SH2D4B: variants seen among roughly 807,000 people sequenced by gnomAD.
The protein encoded by SH2D4B is SH2 domain containing 4B, also known as SH2 domain-containing protein 4B.
SH2D4B carries 45 observed loss-of-function variants against 61.5 expected under a neutral mutation model. That is an observed-to-expected ratio of 0.73 (90% CI 0.58 to 0.94). The LOEUF is 0.94. Among genes scored for constraint, SH2D4B ranks in the 40% least tolerant of loss-of-function variants. SH2D4B has a pLI of 0.00. For missense variants in SH2D4B, 572 were observed against 574.2 expected, an observed-to-expected ratio of 1.00 and a Z score of 0.04; for synonymous variants, 224 against 220.4, an observed-to-expected ratio of 1.02 and a Z score of -0.14.
intron 1 of SH2D4B, among the ~76,000 whole-genome samples, chr10:80,565,708 G>A (rs982399888): frequency 6.6e-6 from 1 of 152,168 alleles, no homozygotes; most frequent in Non-Finnish European, 1.5e-5. Flanking sequence ...TCCTTAGCAT[G>A]TGGCTTTTAT....
chr10:80,613,602 C>G (rs1177990776), intron 6 of SH2D4B, among the ~76,000 whole-genome samples: 2 of 152,208 alleles, frequency 1.3e-5, no homozygotes, highest in Non-Finnish European at 2.9e-5. Flanking sequence ...CAAGCGTGGC[C>G]TCACCTGGGC....
intron 6 of SH2D4B, among the ~76,000 whole-genome samples, chr10:80,619,683 A>G (rs1842696924): frequency 6.6e-6 from 1 of 152,264 alleles, no homozygotes; most frequent in Non-Finnish European, 1.5e-5. Context: ...AATATGGCCA[A>G]TAACTATGGG....
chr10:80,606,950 A>G (rs944011512), intron 5 of SH2D4B, among the ~76,000 whole-genome samples: 1 of 152,246 alleles, frequency 6.6e-6, no homozygotes, highest in African/African-American at 2.4e-5. Flanking sequence ...ATTCACTGGA[A>G]TGTTTTCTGA....
At chr10:80,556,865 C>A (rs1841844481) in intron 1 of SH2D4B, among the ~76,000 whole-genome samples, 1 of 152,090 alleles carries the variant, frequency 6.6e-6, no homozygotes, top group African/African-American at 2.4e-5. Context: ...ATTAAGTTTT[C>A]TCTTCAATAT....
At chr10:80,616,166 T>C (rs141607105) in intron 6 of SH2D4B, among the ~76,000 whole-genome samples, 6 of 152,298 alleles carry the variant, frequency 3.9e-5, no homozygotes, top group African/African-American at 1.4e-4. Context: ...TCTTGAAATA[T>C]TTTTTAAAAG....
At chr10:80,605,738 C>G (rs1026059482) in intron 5 of SH2D4B, among the ~76,000 whole-genome samples, 1 of 152,122 alleles carries the variant, frequency 6.6e-6, no homozygotes, top group Non-Finnish European at 1.5e-5. Context: ...AGGCTGGTCT[C>G]GAACTCCTGA....
At chr10:80,609,402 T>G in intron 5 of SH2D4B, 22 bp from the exon 6 acceptor site, 1 of 1,564,484 alleles carries the variant, frequency 6.4e-7, no homozygotes, top group Non-Finnish European at 8.7e-7. Context: ...TCTTCTGCCC[T>G]CCCCACTTTC....
intron 3 of SH2D4B, among the ~76,000 whole-genome samples, chr10:80,578,222 C>T (rs1328426032): frequency 6.6e-6 from 1 of 152,166 alleles, no homozygotes; most frequent in Non-Finnish European, 1.5e-5. Context: ...CCGCCCATGT[C>T]AACTTTCCAA....
At chr10:80,550,593 CA>C (rs1388759079) in intron 1 of SH2D4B, among the ~76,000 whole-genome samples, 1 of 148,348 alleles carries the variant, frequency 6.7e-6, no homozygotes, top group African/African-American at 2.5e-5. Context: ...GATTCCGTCT[CA>C]AAAAAAAAGA....
intron 1 of SH2D4B, among the ~76,000 whole-genome samples, chr10:80,569,601 G>A (rs1346294922): frequency 2.6e-5 from 4 of 152,062 alleles, no homozygotes; most frequent in South Asian, 2.1e-4. Flanking sequence ...GGGTGGCAGC[G>A]AGGGTAAAGT....
At chr10:80,636,962 T>TGTATAAG (rs1208418856) in intron 7 of SH2D4B, among the ~76,000 whole-genome samples, 1 of 152,252 alleles carries the variant, frequency 6.6e-6, no homozygotes, top group African/African-American at 2.4e-5. Flanking sequence ...AATTAATTTT[T>TGTATAAG]GTATAAGGTA....
chr10:80,581,392 CCTG>C (rs1842182883), intron 3 of SH2D4B, among the ~76,000 whole-genome samples: 1 of 152,160 alleles, frequency 6.6e-6, no homozygotes, highest in African/African-American at 2.4e-5. Flanking sequence ...GAATTATGTC[CCTG>C]CTAAAATCCG....
Position 80,587,227 on chromosome 10 carries a change from C to T in SH2D4B, c.496-1403C>T, listed in dbSNP as rs148933956. 9.0e-3 allele frequency among the ~76,000 whole-genome samples: 1,335 copies of T among 148,960 alleles called. 18 individuals are homozygous for T. Among genetic ancestry groups the T allele is most frequent in the African/African-American group, 0.031 (1,228 of 40,254 alleles). ...CTCGGCTCACTGCAACCTCTGCCTC[C>T]TGGGTTCAAGCCATTCTCGTGCCTC... On this transcript the variant is annotated intron_variant, in intron 3 of 7. Coordinates refer to ENST00000646907, the MANE Select transcript of SH2D4B (RefSeq NM_001388272.1).
chr10:80,603,832 G>C (rs949046117), intron 5 of SH2D4B, 37 bp downstream of exon 5: 1 of 1,582,992 alleles, frequency 6.3e-7, no homozygotes, highest in Non-Finnish European at 8.6e-7. Flanking sequence ...GTTGGGGCAA[G>C]GGCCTTGGAT....
chr10:80,634,456 T>A lies in SH2D4B; in HGVS notation c.1160T>A (p.Val387Glu). The A allele has an allele frequency of 6.5e-7, 1 of 1,550,182 alleles. No individual in the cohort carries two copies. The highest frequency in any genetic ancestry group is 1.2e-5 in the South Asian group (1 of 84,034). ...GGGGATTTTTACAGCTTCCTGGGAG[T>A]GGACCCCAATCGCCATGCAACGCTC... ...ASGDFYSFLG[V>E]DPNRHATLTD... Residue 387 changes from valine (V) to glutamate (E), a missense_variant, in exon 7 of 8, where the codon GTG becomes GAG. Val to Glu is a moderately radical substitution (Grantham distance 121, BLOSUM62 -2). Coordinates refer to ENST00000646907, the MANE Select transcript of SH2D4B (RefSeq NM_001388272.1).
chr10:80,551,084 A>G (rs1841754800), intron 1 of SH2D4B, among the ~76,000 whole-genome samples: 1 of 152,152 alleles, frequency 6.6e-6, no homozygotes, highest in East Asian at 1.9e-4. Flanking sequence ...ACGGAGTCTC[A>G]CTCTGTTGCC....
chr10:80,634,639 A>G lies in SH2D4B; in HGVS notation c.1209+134A>G, dbSNP rs1448468978. ...CTGGAGGGTCTCAGAGATGTAGAGC[A>G]TCAGGGCAGAAGAGACCAGAGGTTG... is the stretch of plus-strand genomic sequence containing the variant. On this transcript the variant is annotated intron_variant, in intron 7 of 7. Transcript: ENST00000646907. 2.0e-5 allele frequency: 27 copies of G among 1,354,416 alleles called. No homozygotes were observed. The East Asian group carries it at 6.0e-4, about 30-fold the overall frequency. 83.9% of individuals were successfully genotyped at this position (1,354,416 alleles called of 1,614,324 possible).
At chr10:80,622,358 G>A (rs1842724854) in intron 6 of SH2D4B, among the ~76,000 whole-genome samples, 1 of 152,116 alleles carries the variant, frequency 6.6e-6, no homozygotes, top group Admixed American at 6.5e-5. Flanking sequence ...TATGTGATTT[G>A]ACCTCGATGA....
At chr10:80,613,421 A>G (rs916987508) in intron 6 of SH2D4B, among the ~76,000 whole-genome samples, 1 of 152,260 alleles carries the variant, frequency 6.6e-6, no homozygotes, top group African/African-American at 2.4e-5. Flanking sequence ...CTTTACTTCT[A>G]CAAAAACAGT....
Sources: gnomAD v4.1 joint callset for allele counts (sites outside exome capture counted in the v4.1 genomes callset) on GRCh38, gnomAD v4.1.1 for gene constraint, MANE v1.5 for transcripts, NCBI Gene and HGNC (gene_info 2026-07-23, HGNC 2026-07-21) for gene names.